The following C10orf67 variants were observed in gnomAD, a reference collection of about 807,000 sequenced individuals.
C10orf67 encodes the protein chromosome 10 open reading frame 67.
C10orf67 carries 60 observed loss-of-function variants against 35.6 expected under a neutral mutation model. That is an observed-to-expected ratio of 1.68 (90% CI 1.37 to 2.09). C10orf67 has a LOEUF of 2.09. Among genes scored for constraint, C10orf67 ranks in the 30% most tolerant of loss-of-function variants. The pLI is 0.00. For synonymous variants in C10orf67, 167 were observed against 115.8 expected (o/e 1.44, Z -2.84); for missense variants, 474 against 330.2 (o/e 1.44, Z -3.38).
intron 8 of C10orf67, among the ~76,000 whole-genome samples, chr10:23,276,847 A>C (rs1843204262): frequency 6.6e-6 from 1 of 152,182 alleles, no homozygotes; most frequent in Non-Finnish European, 1.5e-5. Flanking sequence ...TAAATGTATT[A>C]GTATTAGTAA....
chr10:23,236,011 G>A (rs760059110), intron 13 of C10orf67, among the ~76,000 whole-genome samples: 2 of 152,046 alleles, frequency 1.3e-5, no homozygotes, highest in Non-Finnish European at 2.9e-5. Context: ...CACTTTGGGA[G>A]GCCGAGGCGG....
Position 23,236,253 on chromosome 10 carries a change from G to GAAA in C10orf67, c.1434+3473_1434+3475dup, listed in dbSNP as rs368833212. On this transcript the variant is annotated intron_variant, in intron 13 of 15. Transcript: ENST00000636213. ...GACAGAGCGAGACTCCCTCTCGGGG[G>GAAA]AAAAAAAAAAAAAAAAAAAAAAAAA... Among the ~76,000 whole-genome samples, 756 of 75,746 alleles carry GAAA rather than the reference G, an allele frequency of 1.0e-2. 32 individuals carry two copies. Among genetic ancestry groups the GAAA allele is most frequent in the African/African-American group, 0.042 (701 of 16,644 alleles). 49.7% of individuals were successfully genotyped at this position (75,746 alleles called of 152,430 possible).
chr10:23,258,720 C>A (rs898393455), intron 10 of C10orf67, among the ~76,000 whole-genome samples: 3 of 152,178 alleles, frequency 2.0e-5, no homozygotes, highest in Admixed American at 6.5e-5. Context: ...ACAATGAGAT[C>A]ATTCGGACAT....
chr10:23,223,091 A>T lies in C10orf67; in HGVS notation c.1570+507T>A, dbSNP rs201477615. Among the ~76,000 whole-genome samples the T allele has an allele frequency of 9.1e-4, 129 of 141,682 alleles. 1 individual carries two copies. The highest frequency in any genetic ancestry group is 3.7e-3 in the Middle Eastern group (1 of 272). 92.9% of individuals were successfully genotyped at this position (141,682 alleles called of 152,430 possible). ...TTGAAGTATAACTATTTTTTTTTTT[A>T]AATTTAAAGACAAGGTCTCACTCTG... On this transcript the variant is annotated intron_variant, in intron 15 of 15. Coordinates refer to ENST00000636213, the MANE Select transcript of C10orf67 (RefSeq NM_001371909.1).
chr10:23,343,353 C>A (rs1241476008), intron 1 of C10orf67, among the ~76,000 whole-genome samples: 2 of 152,048 alleles, frequency 1.3e-5, no homozygotes, highest in African/African-American at 4.8e-5. Flanking sequence ...CCCGTTGCAC[C>A]ATGTGGAGAC....
chr10:23,232,490 C>T (rs997322518), intron 13 of C10orf67, among the ~76,000 whole-genome samples: 1 of 152,190 alleles, frequency 6.6e-6, no homozygotes, highest in African/African-American at 2.4e-5. Context: ...TGTTCCCTGG[C>T]ATTTAGTTTG....
intron 5 of C10orf67, among the ~76,000 whole-genome samples, chr10:23,293,573 A>C (rs1843786627): frequency 6.6e-6 from 1 of 152,234 alleles, no homozygotes; most frequent in Non-Finnish European, 1.5e-5. Flanking sequence ...AGAAGGATGG[A>C]GATCATTAAA....
intron 13 of C10orf67, among the ~76,000 whole-genome samples, chr10:23,233,831 G>C (rs1338551606): frequency 6.6e-6 from 1 of 152,118 alleles, no homozygotes; most frequent in East Asian, 1.9e-4. Context: ...GTGGGTACTT[G>C]AGTTTACCTT....
rs139237020 is a variant in C10orf67 at position 23,342,512 on chromosome 10, T to C, written c.206+2057A>G. Among the ~76,000 whole-genome samples the C allele has an allele frequency of 6.4e-3, 970 of 152,192 alleles. 5 individuals are homozygous for C. The highest frequency in any genetic ancestry group is 0.011 in the South Asian group (51 of 4,820). ...AGGAATATGGGCATCAGTGGTTCTT[T>C]TGTTCAGCCAAAGAGCACCCGGCAC... On this transcript the variant is annotated intron_variant, in intron 1 of 15. Coordinates refer to ENST00000636213, the MANE Select transcript of C10orf67 (RefSeq NM_001371909.1).
rs147588223 is a variant in C10orf67 at position 23,318,766 on chromosome 10, GT to G, written c.546+1974del. On this transcript the variant is annotated intron_variant, in intron 4 of 15. Coordinates refer to ENST00000636213, the MANE Select transcript of C10orf67 (RefSeq NM_001371909.1). The stretch of plus-strand genomic sequence containing the variant: ...CTAACAGTGGCTTAGACACTGAGGG[GT>G]TGTTATCTCATGAATAAGAGGCCAG... The G allele has an allele frequency of 2.0e-3, 1,293 of 662,332 alleles. 13 individuals are homozygous for G. In the African/African-American group the frequency reaches 0.021, roughly 11 times the overall value. The allele number at this position is 662,332 out of a possible 1,614,324, so 41.0% of individuals were successfully genotyped here. A position where few individuals can be genotyped will look rare whatever the true frequency, so the allele number is the denominator to read the frequency against.
At chr10:23,278,041 A>G (rs1180364476) in intron 8 of C10orf67, among the ~76,000 whole-genome samples, 1 of 152,218 alleles carries the variant, frequency 6.6e-6, no homozygotes, top group Non-Finnish European at 1.5e-5. Context: ...CACTCACTAT[A>G]GTGAAGACAG....
chr10:23,326,246 CT>C (rs1845188700), intron 2 of C10orf67, among the ~76,000 whole-genome samples: 1 of 152,054 alleles, frequency 6.6e-6, no homozygotes, highest in African/African-American at 2.4e-5. Context: ...AATAATCAAG[CT>C]GTTGAAAACC....
chr10:23,230,997 G>T (rs192010980), intron 13 of C10orf67, among the ~76,000 whole-genome samples: 14 of 152,230 alleles, frequency 9.2e-5, no homozygotes, highest in Admixed American at 5.2e-4. Flanking sequence ...ACAGGGTCTT[G>T]CTCTATTGCC....
At chr10:23,231,570 A>G (rs537499014) in intron 13 of C10orf67, among the ~76,000 whole-genome samples, 21 of 152,128 alleles carry the variant, frequency 1.4e-4, no homozygotes, top group Non-Finnish European at 2.9e-4. Flanking sequence ...AAGTCAGTGT[A>G]TTTTTTGTTG....
chr10:23,279,859 T>C (rs1843315614), intron 8 of C10orf67, among the ~76,000 whole-genome samples: 1 of 151,766 alleles, frequency 6.6e-6, no homozygotes. Flanking sequence ...TATTTATCTA[T>C]TTTTTTAAAT....
intron 13 of C10orf67, among the ~76,000 whole-genome samples, chr10:23,233,602 C>T (rs1841967859): frequency 6.6e-6 from 1 of 151,970 alleles, no homozygotes; most frequent in Non-Finnish European, 1.5e-5. Context: ...AGTAGTTAAC[C>T]AAAAATACTT....
chr10:23,284,219 C>G (rs959910906), intron 7 of C10orf67, among the ~76,000 whole-genome samples: 5 of 151,870 alleles, frequency 3.3e-5, no homozygotes, highest in Non-Finnish European at 7.4e-5. Flanking sequence ...TCCCCACACC[C>G]CTGGTCTCCC....
At chr10:23,214,408 G>T (rs1413932649) in intron 15 of C10orf67, among the ~76,000 whole-genome samples, 1 of 152,106 alleles carries the variant, frequency 6.6e-6, no homozygotes, top group African/African-American at 2.4e-5. Flanking sequence ...CTGTGTTAAA[G>T]AGACAATCAT....
chr10:23,256,011 GT>G (rs984584665), intron 10 of C10orf67, among the ~76,000 whole-genome samples: 3 of 152,014 alleles, frequency 2.0e-5, no homozygotes, highest in South Asian at 2.1e-4. Context: ...AGTTTTGTGA[GT>G]TTTTTTCTTC....
Sources: allele counts gnomAD v4.1 joint callset (sites outside exome capture counted in the v4.1 genomes callset), GRCh38; gene constraint gnomAD v4.1.1; transcripts MANE v1.5; gene names NCBI Gene and HGNC (gene_info 2026-07-23, HGNC 2026-07-21).